Variants in ZBBX observed in about 807,000 individuals in gnomAD.
ZBBX encodes the protein zinc finger B-box domain-containing protein 1.
In ZBBX, 101 loss-of-function variants were observed where a neutral mutation model predicts 108.5. That is an observed-to-expected ratio of 0.93 (90% CI 0.79 to 1.10). The LOEUF (loss-of-function observed/expected upper bound fraction) is 1.10. Ranked by LOEUF, ZBBX falls within the 50% of genes least tolerant of loss-of-function variation. The pLI is 0.00. For missense variants in ZBBX, 1,009 were observed against 941.4 expected (o/e 1.07, Z -0.94); for synonymous variants, 356 against 323.4 (o/e 1.10, Z -1.08).
At chr3:167,178,721 G>A in the ZBBX span, among the ~76,000 whole-genome samples, 4 of 152,112 alleles carry the variant, frequency 2.6e-5, no homozygotes, top group African/African-American at 4.8e-5. Flanking sequence ...TTTTGTTATC[G>A]GATCTCTCCA....
chr3:167,206,189 G>A, the ZBBX span, among the ~76,000 whole-genome samples: 133 of 151,892 alleles, frequency 8.8e-4, no homozygotes, highest in Non-Finnish European at 1.5e-3. Context: ...CCATTTCTAT[G>A]TATTTGACTT....
intron 1 of ZBBX, among the ~76,000 whole-genome samples, chr3:167,398,431 T>G (rs935281173): frequency 2.0e-5 from 3 of 152,092 alleles, no homozygotes; most frequent in African/African-American, 7.2e-5. Flanking sequence ...AAATAAAATA[T>G]CTTCACTGCT....
At chr3:167,252,470 T>A (rs62279766) in intron 20 of ZBBX, among the ~76,000 whole-genome samples, 1 of 151,884 alleles carries the variant, frequency 6.6e-6, no homozygotes. Context: ...CTTATGTCAC[T>A]GTAGCACTTG....
intron 20 of ZBBX, among the ~76,000 whole-genome samples, chr3:167,280,164 T>C (rs926772082): frequency 6.6e-6 from 1 of 152,088 alleles, no homozygotes; most frequent in African/African-American, 2.4e-5. Flanking sequence ...AACCTAGGCA[T>C]TACCATTGAG....
intron 20 of ZBBX, among the ~76,000 whole-genome samples, chr3:167,258,828 G>A (rs1049149404): frequency 1.3e-5 from 2 of 152,118 alleles, no homozygotes; most frequent in Admixed American, 1.3e-4. Context: ...AAATCTATTT[G>A]ATCAAGGTGG....
the ZBBX span, among the ~76,000 whole-genome samples, chr3:167,189,527 C>T: frequency 6.6e-6 from 1 of 152,148 alleles, no homozygotes; most frequent in Non-Finnish European, 1.5e-5. Context: ...CCACACACAC[C>T]AGATTCCCAT....
chr3:167,265,709 C>A (rs181663207), intron 20 of ZBBX, among the ~76,000 whole-genome samples: 4 of 152,124 alleles, frequency 2.6e-5, no homozygotes, highest in Non-Finnish European at 4.4e-5. Flanking sequence ...TACCTATGAC[C>A]CCCAGGCACT....
intron 10 of ZBBX, among the ~76,000 whole-genome samples, 156 bp from the exon 11 acceptor site, chr3:167,328,272 G>A (rs777087439): frequency 6.6e-6 from 1 of 152,022 alleles, no homozygotes; most frequent in Non-Finnish European, 1.5e-5. Flanking sequence ...TTTTTAAGTT[G>A]TGCTTATTTA....
chr3:167,334,082 G>T, intron 9 of ZBBX, 97 bp from the exon 10 acceptor site: 2 of 794,338 alleles, frequency 2.5e-6, no homozygotes, highest in Non-Finnish European at 3.6e-6. Context: ...ATGACTCCCA[G>T]AATTAAATAA....
At chr3:167,183,928 T>A in the ZBBX span, among the ~76,000 whole-genome samples, 2,027 of 152,304 alleles carry the variant, frequency 0.013, 21 homozygotes, top group South Asian at 0.026. Context: ...GTCTGAGGAA[T>A]CATGAGAACT....
intron 10 of ZBBX, among the ~76,000 whole-genome samples, chr3:167,330,965 C>CTCTCTCTCTCTCTCTCTCTCTCTCTCTCT (rs1738494843): frequency 4.8e-5 from 7 of 147,010 alleles, no homozygotes; most frequent in Admixed American, 1.4e-4. Context: ...CTCTCTCTCT[C>CTCTCTCTCTCTCTCTCTCTCTCTCTCTCT]CCCCACTCCC....
intron 1 of ZBBX, among the ~76,000 whole-genome samples, chr3:167,401,080 T>C (rs1275359974): frequency 1.3e-5 from 2 of 152,178 alleles, no homozygotes; most frequent in African/African-American, 2.4e-5. Flanking sequence ...GAATAAAATG[T>C]GGTCCTTGGA....
chr3:167,366,089 A>C, intron 5 of ZBBX, 113 bp from the exon 6 acceptor site: 1 of 626,668 alleles, frequency 1.6e-6, no homozygotes. Flanking sequence ...GTTAACATGC[A>C]GTAAACAAGC....
At position 167,333,971 on chromosome 3, in the gene ZBBX, T is replaced by A. The variant is rs371740576; in HGVS notation, c.543A>T (p.Ile181=). ...RTTLLQAKSQ[I]LFNVLDVAHQ... is the part of the protein sequence containing the mutation. ...GGGCAACATCCAATACATTGAATAA[T>A]ATTTGAGATTTTGCCTATTAAAAAA... The change falls in exon 10 of 22, where the codon ATA becomes ATT. Residue 181 remains isoleucine (I), a synonymous_variant. Transcript: ENST00000675490. The A allele has an allele frequency of 1.3e-6, 2 of 1,563,902 alleles. No homozygotes were observed. Among genetic ancestry groups the A allele is most frequent in the Non-Finnish European group, 1.7e-6 (2 of 1,158,220 alleles).
intron 19 of ZBBX, among the ~76,000 whole-genome samples, chr3:167,285,884 C>G (rs1729602853): frequency 6.6e-6 from 1 of 152,048 alleles, no homozygotes. Context: ...AGGCCCTGTT[C>G]CATTACTGAA....
intron 1 of ZBBX, among the ~76,000 whole-genome samples, chr3:167,405,805 C>T (rs1045153916): frequency 1.3e-5 from 2 of 152,212 alleles, no homozygotes; most frequent in Non-Finnish European, 2.9e-5. Context: ...AGCGTGGTGG[C>T]TGACGCCTGT....
chr3:167,214,303 C>A, the ZBBX span, among the ~76,000 whole-genome samples: 1 of 152,186 alleles, frequency 6.6e-6, no homozygotes, highest in African/African-American at 2.4e-5. Context: ...GGAGAAAAAT[C>A]AACCAAGCAA....
intron 18 of ZBBX, among the ~76,000 whole-genome samples, chr3:167,291,339 T>C: frequency 6.6e-6 from 1 of 152,006 alleles, no homozygotes; most frequent in Non-Finnish European, 1.5e-5. Flanking sequence ...GGGAGGCCCA[T>C]CAGACTAACA....
intron 20 of ZBBX, among the ~76,000 whole-genome samples, chr3:167,271,293 T>C (rs1270408267): frequency 6.6e-6 from 1 of 152,138 alleles, no homozygotes. Context: ...CCTGAAGAAA[T>C]AGCTATTGTT....
Sources: allele counts gnomAD v4.1 joint callset (sites outside exome capture counted in the v4.1 genomes callset), GRCh38; gene constraint gnomAD v4.1.1; transcripts MANE v1.5; gene names NCBI Gene and HGNC (gene_info 2026-07-23, HGNC 2026-07-21).